ITFG1: variants seen among roughly 807,000 people sequenced by gnomAD.
ITFG1 encodes the protein integrin alpha FG-GAP repeat containing 1.
In ITFG1, 34 loss-of-function variants were observed where a neutral mutation model predicts 81.8. The observed-to-expected ratio is 0.42, with a 90% CI of 0.32 to 0.55. The LOEUF (loss-of-function observed/expected upper bound fraction) is 0.55. Among genes scored for constraint, ITFG1 ranks in the 20% least tolerant of loss-of-function variants. ITFG1 has a pLI of 0.17. For synonymous variants in ITFG1, 285 were observed against 270.6 expected, an observed-to-expected ratio of 1.05 and a Z score of -0.52; for missense variants, 672 against 755.4, an observed-to-expected ratio of 0.89 and a Z score of 1.29.
intron 14 of ITFG1, among the ~76,000 whole-genome samples, chr16:47,174,349 A>T (rs1964996722): frequency 6.6e-6 from 1 of 152,156 alleles, no homozygotes; most frequent in African/African-American, 2.4e-5. Context: ...TCAAAAATAG[A>T]ACTTAAATAA....
At chr16:47,159,449 C>T (rs948638765) in intron 16 of ITFG1, among the ~76,000 whole-genome samples, 1 of 152,056 alleles carries the variant, frequency 6.6e-6, no homozygotes, top group Non-Finnish European at 1.5e-5. Context: ...TATAATGTGA[C>T]CAAGTAAAAC....
At position 47,459,180 on chromosome 16, in the gene ITFG1, A is replaced by G. The variant is rs1394470017; in HGVS notation, c.209-5T>C. On this transcript the variant is annotated splice_polypyrimidine_tract_variant and splice_region_variant and intron_variant, in intron 1 of 17. Transcript: ENST00000320640. ...AAAAGACGATTAAGTCATTTCCTAA[A>G]GAAAACAAATATATGATATTAGAAA... The G allele has an allele frequency of 2.6e-6, 4 of 1,568,526 alleles. No individual in the cohort carries two copies. The highest frequency in any genetic ancestry group is 1.1e-5 in the South Asian group (1 of 90,070).
intron 6 of ITFG1, among the ~76,000 whole-genome samples, chr16:47,408,840 C>A (rs1428660917): frequency 2.0e-5 from 3 of 152,116 alleles, no homozygotes; most frequent in Non-Finnish European, 4.4e-5. Context: ...CCTCTTTATA[C>A]GTTTAGAAAT....
At chr16:47,424,467 T>C (rs1218021932) in intron 6 of ITFG1, among the ~76,000 whole-genome samples, 4 of 152,294 alleles carry the variant, frequency 2.6e-5, no homozygotes, top group Admixed American at 2.6e-4. Flanking sequence ...CCAATTTTGT[T>C]CTCTTGCTGG....
intron 8 of ITFG1, among the ~76,000 whole-genome samples, chr16:47,338,773 T>C (rs1223724104): frequency 2.6e-5 from 4 of 152,044 alleles, no homozygotes; most frequent in Non-Finnish European, 5.9e-5. Flanking sequence ...TCAGGGTAAA[T>C]GGGGTTTTTC....
At chr16:47,187,845 A>G (rs1183733088) in intron 14 of ITFG1, among the ~76,000 whole-genome samples, 2 of 152,186 alleles carry the variant, frequency 1.3e-5, no homozygotes, top group African/African-American at 4.8e-5. Context: ...ATGGGAGAAA[A>G]TCTTCGCAAC....
At chr16:47,340,621 T>G (rs1024756307) in intron 8 of ITFG1, among the ~76,000 whole-genome samples, 2 of 151,392 alleles carry the variant, frequency 1.3e-5, no homozygotes, top group Non-Finnish European at 3.0e-5. Context: ...AGAAAAAAAG[T>G]GAAAAGACAT....
intron 8 of ITFG1, among the ~76,000 whole-genome samples, chr16:47,356,188 G>A (rs1393841217): frequency 1.3e-5 from 2 of 152,018 alleles, no homozygotes; most frequent in African/African-American, 4.8e-5. Context: ...CTATAATGTG[G>A]CTAAACAATA....
In ITFG1 at chr16:47,313,798, TA is replaced by T; in HGVS notation, c.827del (p.Leu276TyrfsTer17). ...AATTTTTATCTTCACAGCCTGGCAGTAAATGATCCATGTGTCCATCTCCATC... is the reference window on the plus strand; with the variant it reads ...AATTTTTATCTTCACAGCCTGGCAGTAATGATCCATGTGTCCATCTCCATC... Reference protein sequence around the residue: ...DFDGDGHMDHLLPGCEDKNCQ... With the variant: ...DFDGDGHMDHXLPGCEDKNCQ... On this transcript the variant is annotated frameshift_variant, in exon 9 of 18. Coordinates refer to ENST00000320640, the MANE Select transcript of ITFG1 (RefSeq NM_030790.5). LOFTEE classifies it high-confidence loss of function. The T allele has an allele frequency of 6.2e-7, 1 of 1,607,144 alleles. No individual in the cohort carries two copies. The highest frequency in any genetic ancestry group is 8.5e-7 in the Non-Finnish European group (1 of 1,175,966).
At chr16:47,269,416 T>C (rs762424963) in intron 10 of ITFG1, among the ~76,000 whole-genome samples, 12 of 146,146 alleles carry the variant, frequency 8.2e-5, no homozygotes, top group Non-Finnish European at 1.5e-4. Context: ...GGGGAGGCCA[T>C]GACAGGAGGA....
chr16:47,367,228 T>G (rs1317792926), intron 7 of ITFG1, among the ~76,000 whole-genome samples: 1 of 152,194 alleles, frequency 6.6e-6, no homozygotes, highest in Non-Finnish European at 1.5e-5. Context: ...CACTCCAACC[T>G]CCAGGAACTT....
intron 6 of ITFG1, among the ~76,000 whole-genome samples, chr16:47,413,398 C>T (rs1968834735): frequency 6.6e-6 from 1 of 152,108 alleles, no homozygotes; most frequent in African/African-American, 2.4e-5. Flanking sequence ...ACCTGCTAAC[C>T]ACAAAAACAC....
intron 14 of ITFG1, among the ~76,000 whole-genome samples, chr16:47,209,011 A>AC (rs1965533474): frequency 6.6e-6 from 1 of 152,308 alleles, no homozygotes; most frequent in East Asian, 1.9e-4. Context: ...CCAACTTAGA[A>AC]TAAGAAGGGG....
chr16:47,337,567 C>A (rs923795531), intron 8 of ITFG1, among the ~76,000 whole-genome samples: 2 of 152,064 alleles, frequency 1.3e-5, no homozygotes, highest in Non-Finnish European at 2.9e-5. Flanking sequence ...GAGACTCTGT[C>A]TCATAAAATA....
intron 10 of ITFG1, among the ~76,000 whole-genome samples, chr16:47,291,290 T>C (rs1236177474): frequency 6.6e-6 from 1 of 152,200 alleles, no homozygotes; most frequent in East Asian, 1.9e-4. Flanking sequence ...TTATTCTAAT[T>C]GGGATTCCTT....
intron 12 of ITFG1, among the ~76,000 whole-genome samples, chr16:47,257,123 A>G (rs1396121685): frequency 6.6e-6 from 1 of 152,254 alleles, no homozygotes; most frequent in Non-Finnish European, 1.5e-5. Flanking sequence ...CTCACCACTT[A>G]TTCAATATAG....
At chr16:47,274,759 C>T (rs1966379846) in intron 10 of ITFG1, among the ~76,000 whole-genome samples, 2 of 152,056 alleles carry the variant, frequency 1.3e-5, no homozygotes, top group African/African-American at 2.4e-5. Context: ...CAGCTTGTTA[C>T]GTCTGCTAAC....
chr16:47,258,217 G>C (rs115618807), intron 12 of ITFG1, among the ~76,000 whole-genome samples: 3,071 of 152,290 alleles, frequency 0.02, 104 homozygotes, highest in African/African-American at 0.07. Context: ...GAAATGCACA[G>C]CATCAATTCT....
chr16:47,332,585 A>G (rs555895629), intron 8 of ITFG1, among the ~76,000 whole-genome samples: 1 of 152,312 alleles, frequency 6.6e-6, no homozygotes, highest in Admixed American at 6.5e-5. Context: ...CTTATTTCTC[A>G]CTGATTTCAA....
Sources: gnomAD v4.1 joint callset for allele counts (sites outside exome capture counted in the v4.1 genomes callset) on GRCh38, gnomAD v4.1.1 for gene constraint, MANE v1.5 for transcripts, NCBI Gene and HGNC (gene_info 2026-07-23, HGNC 2026-07-21) for gene names.